DCAF6: variants seen among roughly 807,000 people sequenced by gnomAD.
The protein encoded by DCAF6 is DDB1- and CUL4-associated factor 6.
DCAF6 carries 54 observed loss-of-function variants against 125.1 expected under a neutral mutation model. That is an observed-to-expected ratio of 0.43 (90% CI 0.35 to 0.54). DCAF6 has a LOEUF of 0.54. DCAF6 is among the 20% of genes least tolerant of loss of function. The pLI, the probability that DCAF6 is intolerant of heterozygous loss-of-function variation, is 0.01. For synonymous variants in DCAF6, 371 were observed against 390.4 expected (o/e 0.95, Z 0.58); for missense variants, 934 against 1,161.7 (o/e 0.80, Z 2.85).
intron 4 of DCAF6, among the ~76,000 whole-genome samples, chr1:167,980,229 T>C (rs1489633162): frequency 2.6e-5 from 4 of 152,072 alleles, no homozygotes; most frequent in Non-Finnish European, 5.9e-5. Flanking sequence ...TAGTGATGGA[T>C]ATTTAGGTTG....
chr1:167,891,472 C>T, the DCAF6 span, among the ~76,000 whole-genome samples: 506 of 151,368 alleles, frequency 3.3e-3, 3 homozygotes, highest in African/African-American at 0.012. Context: ...CTGGCTAACA[C>T]GGTGAAACCC....
chr1:167,960,274 C>G (rs1050568514), intron 2 of DCAF6, among the ~76,000 whole-genome samples: 9 of 151,638 alleles, frequency 5.9e-5, no homozygotes, highest in Non-Finnish European at 1.2e-4. Flanking sequence ...TGTAGCCTTA[C>G]AGTAAAATTT....
In DCAF6 at chr1:167,936,746, T is replaced by C. The variant is rs565704184; in HGVS notation, c.-166T>C. 3 of 620,846 alleles carry C rather than the reference T, an allele frequency of 4.8e-6. No individual in the cohort carries two copies. The East Asian group carries it at 8.6e-5, about 18-fold the overall frequency. The allele number at this position is 620,846 out of a possible 1,614,324, so 38.5% of individuals were successfully genotyped here. On this transcript the variant is annotated 5_prime_UTR_variant, in exon 1 of 22. Coordinates refer to ENST00000367840, the MANE Select transcript of DCAF6 (RefSeq NM_001198956.2). ...AGCTCCGGCCCGGGTGCGGCCGGGCTTCAGGGGCCCAGGCGCCGCTGCTGC... is the reference window on the plus strand; with the variant it reads ...AGCTCCGGCCCGGGTGCGGCCGGGCCTCAGGGGCCCAGGCGCCGCTGCTGC...
At chr1:167,883,320 G>A in the DCAF6 span, 5 of 1,174,688 alleles carry the variant, frequency 4.3e-6, no homozygotes, top group African/African-American at 3.0e-5. Flanking sequence ...TTACAGGCGT[G>A]AGCCACCACG....
At position 168,075,830 on chromosome 1, in the gene DCAF6, T is replaced by C. The variant is rs537544684; in HGVS notation, c.*395T>C. ...TTCTAATTAAAGAAACTGGTTGTTT[T>C]AAGATACCCTGAATTTGACTTTTTA... On this transcript the variant is annotated 3_prime_UTR_variant, in exon 22 of 22. Coordinates refer to ENST00000367840, the MANE Select transcript of DCAF6 (RefSeq NM_001198956.2). 6.7e-5 allele frequency: 11 copies of C among 164,866 alleles called. No homozygotes were observed. The highest frequency in any genetic ancestry group is 2.1e-4 in the African/African-American group (9 of 41,944). The allele number at this position is 164,866 out of a possible 1,614,324, so 10.2% of individuals were successfully genotyped here.
intron 1 of DCAF6, among the ~76,000 whole-genome samples, chr1:167,951,334 G>C (rs534983825): frequency 6.6e-5 from 10 of 152,286 alleles, no homozygotes; most frequent in South Asian, 6.2e-4. Flanking sequence ...TAGCACTTTG[G>C]GAGGCCAATG....
chr1:167,916,355 C>T, the DCAF6 span, among the ~76,000 whole-genome samples: 5 of 152,004 alleles, frequency 3.3e-5, no homozygotes, highest in East Asian at 1.9e-4. Flanking sequence ...TACAGGCGTG[C>T]GCCACCACAC....
At chr1:168,032,753 GTTAA>G (rs1325700883) in intron 12 of DCAF6, among the ~76,000 whole-genome samples, 6 of 152,124 alleles carry the variant, frequency 3.9e-5, no homozygotes, top group Admixed American at 2.6e-4. Flanking sequence ...AACTACTATA[GTTAA>G]TTAATGTATG....
At chr1:168,032,301 A>G (rs1304239260) in intron 12 of DCAF6, among the ~76,000 whole-genome samples, 1 of 152,242 alleles carries the variant, frequency 6.6e-6, no homozygotes, top group African/African-American at 2.4e-5. Context: ...AGTTATCTGT[A>G]GGGTAGATAG....
chr1:167,992,094 T>C (rs558036577), intron 6 of DCAF6, among the ~76,000 whole-genome samples: 1 of 152,186 alleles, frequency 6.6e-6, no homozygotes, highest in African/African-American at 2.4e-5. Flanking sequence ...TTATTCCTGC[T>C]TACCTTAAAG....
intron 11 of DCAF6, chr1:168,019,722 T>G (rs1398596905): frequency 4.9e-6 from 1 of 202,334 alleles, no homozygotes. Flanking sequence ...AAAAAAGTAA[T>G]TTTTATACCC....
intron 21 of DCAF6, among the ~76,000 whole-genome samples, chr1:168,071,411 C>G (rs1048368316): frequency 2.0e-5 from 3 of 152,004 alleles, no homozygotes; most frequent in Admixed American, 2.0e-4. Flanking sequence ...CAAGACCAGC[C>G]TCGCCAACAT....
At chr1:168,029,049 A>G (rs1434834434) in intron 12 of DCAF6, among the ~76,000 whole-genome samples, 1 of 152,106 alleles carries the variant, frequency 6.6e-6, no homozygotes, top group Non-Finnish European at 1.5e-5. Flanking sequence ...CCTATCCCCA[A>G]CTACTAGGTC....
chr1:168,051,386 C>T (rs1012490703), intron 17 of DCAF6, among the ~76,000 whole-genome samples: 5 of 152,112 alleles, frequency 3.3e-5, no homozygotes, highest in African/African-American at 1.2e-4. Context: ...CTGATTTTTG[C>T]AAGAAAGTTG....
At chr1:167,907,157 C>CA in the DCAF6 span, among the ~76,000 whole-genome samples, 1 of 152,110 alleles carries the variant, frequency 6.6e-6, no homozygotes, top group Non-Finnish European at 1.5e-5. Context: ...TCAGTAATCT[C>CA]AAAAAACCAT....
chr1:167,918,228 C>T, the DCAF6 span: 3 of 1,013,278 alleles, frequency 3.0e-6, no homozygotes, highest in East Asian at 5.0e-5. Context: ...GCCTTCTAAA[C>T]ACACAGTTAG....
At chr1:167,920,730 T>C in the DCAF6 span, 1 of 1,161,146 alleles carries the variant, frequency 8.6e-7, no homozygotes, top group Non-Finnish European at 1.2e-6. Flanking sequence ...TTTCCGTAAG[T>C]TAGCAGCTAT....
chr1:167,872,135 A>C, the DCAF6 span, among the ~76,000 whole-genome samples: 1 of 152,144 alleles, frequency 6.6e-6, no homozygotes, highest in East Asian at 1.9e-4. Flanking sequence ...TGAGGTCAGG[A>C]GTTCGAGACC....
chr1:167,878,769 G>A, the DCAF6 span: 2 of 895,708 alleles, frequency 2.2e-6, no homozygotes, highest in Non-Finnish European at 3.5e-6. Context: ...CAGAAGCCTA[G>A]TCTCAAGACC....
Sources: gnomAD v4.1 joint callset for allele counts (sites outside exome capture counted in the v4.1 genomes callset) on GRCh38, gnomAD v4.1.1 for gene constraint, MANE v1.5 for transcripts, NCBI Gene and HGNC (gene_info 2026-07-23, HGNC 2026-07-21) for gene names.